Variants in ARNT2 observed in about 807,000 individuals in gnomAD.
The protein encoded by ARNT2 is aryl hydrocarbon receptor nuclear translocator 2.
A neutral mutation model predicts 91.7 loss-of-function variants in ARNT2; 36 were observed. The ratio of observed to expected loss-of-function variants is 0.39; its 90% confidence interval spans 0.30 to 0.52. The LOEUF is 0.52. ARNT2 is among the 20% of genes least tolerant of loss of function. The pLI is 0.72. For missense variants in ARNT2, 775 were observed against 939.3 expected, an observed-to-expected ratio of 0.83 and a Z score of 2.29; for synonymous variants, 365 against 347.1, an observed-to-expected ratio of 1.05 and a Z score of -0.57.
chr15:80,417,728 C>T (rs1895807366), intron 1 of ARNT2, among the ~76,000 whole-genome samples: 1 of 152,026 alleles, frequency 6.6e-6, no homozygotes, highest in Admixed American at 6.6e-5. Context: ...TTGGTCTACC[C>T]AGTAGTTAAC....
intron 6 of ARNT2, among the ~76,000 whole-genome samples, chr15:80,513,412 G>C (rs973709805): frequency 2.0e-5 from 3 of 152,226 alleles, no homozygotes; most frequent in Non-Finnish European, 2.9e-5. Flanking sequence ...CCTAGTGCTA[G>C]AACAGTGTAT....
intron 3 of ARNT2, among the ~76,000 whole-genome samples, chr15:80,467,688 G>T (rs948317983): frequency 6.6e-6 from 1 of 152,208 alleles, no homozygotes; most frequent in East Asian, 1.9e-4. Flanking sequence ...CTCAGCCAAC[G>T]GTCTCTGTGT....
At chr15:80,575,239 TA>T in intron 14 of ARNT2, 129 bp downstream of exon 14, 1 of 1,255,454 alleles carries the variant, frequency 8.0e-7, no homozygotes. Flanking sequence ...TTGCAGGGTA[TA>T]AAAATACACG....
Position 80,470,334 on chromosome 15 carries a change from C to T in ARNT2, c.311C>T (p.Thr104Ile). The part of the protein sequence containing the change: ...SALARKPDKL[T>I]ILRMAVSHMK... The stretch of plus-strand genomic sequence containing the variant: ...CTGGCTCGGAAGCCAGACAAGCTCA[C>T]CATCCTCCGCATGGCCGTCTCGCAC... The change falls in exon 4 of 19, where the codon ACC becomes ATC. Residue 104 changes from threonine (T) to isoleucine (I), a missense_variant. Thr to Ile is a moderately conservative substitution (Grantham distance 89). Around this residue, in one of 5 missense-constraint regions of ARNT2, gnomAD observed 83 missense variants for 149.4 expected, o/e 0.56. Coordinates refer to ENST00000303329, the MANE Select transcript of ARNT2 (RefSeq NM_014862.4). 6.2e-7 allele frequency: 1 copy of T among 1,614,208 alleles called. No homozygotes were observed. Among genetic ancestry groups the T allele is most frequent in the Non-Finnish European group, 8.5e-7 (1 of 1,180,040 alleles).
At chr15:80,536,555 T>C (rs147175117) in intron 8 of ARNT2, among the ~76,000 whole-genome samples, 13 of 152,316 alleles carry the variant, frequency 8.5e-5, no homozygotes, top group South Asian at 4.1e-4. Flanking sequence ...GCTTCCAGCT[T>C]CCTTGTCTAT....
chr15:80,580,363 T>C (rs758099426), intron 15 of ARNT2, 48 bp from the exon 16 acceptor site: 2 of 1,610,302 alleles, frequency 1.2e-6, no homozygotes, highest in African/African-American at 2.7e-5. Context: ...CGTAGACTCA[T>C]GCAAACCAGG....
At chr15:80,437,962 G>C (rs985600464) in intron 1 of ARNT2, among the ~76,000 whole-genome samples, 10 of 70,520 alleles carry the variant, frequency 1.4e-4, no homozygotes, top group South Asian at 1.2e-3. Flanking sequence ...CACACACACA[G>C]AGTCTCTTTC....
chr15:80,430,570 A>G (rs957547505), intron 1 of ARNT2, among the ~76,000 whole-genome samples: 1 of 152,176 alleles, frequency 6.6e-6, no homozygotes, highest in East Asian at 1.9e-4. Context: ...TCCAGTCTCA[A>G]CGGGAGCTGC....
intron 6 of ARNT2, among the ~76,000 whole-genome samples, chr15:80,513,153 T>TA (rs962337561): frequency 2.8e-4 from 43 of 152,092 alleles, no homozygotes; most frequent in African/African-American, 9.7e-4. Flanking sequence ...GAAATGCACA[T>TA]AAAAAATGGA....
intron 1 of ARNT2, among the ~76,000 whole-genome samples, chr15:80,412,734 T>C (rs540124615): frequency 6.6e-6 from 1 of 152,360 alleles, no homozygotes; most frequent in Non-Finnish European, 1.5e-5. Context: ...GTATTGAACA[T>C]CCCCGTATAT....
In ARNT2 at chr15:80,406,093, G is replaced by C. The variant is rs183278388; in HGVS notation, c.31+1547G>C. Among the ~76,000 whole-genome samples the C allele has an allele frequency of 1.3e-3, 191 of 152,284 alleles. 1 individual carries two copies. Among genetic ancestry groups the C allele is most frequent in the African/African-American group, 4.4e-3 (182 of 41,562 alleles). On this transcript the variant is annotated intron_variant, in intron 1 of 18. Transcript: ENST00000303329. ...AGAATTGGTGGCCATGGCTGGACCA[G>C]AGAGGAAGGAATGCACCACTGGGCG...
At chr15:80,584,904 C>T (rs1898866413) in intron 17 of ARNT2, among the ~76,000 whole-genome samples, 1 of 152,266 alleles carries the variant, frequency 6.6e-6, no homozygotes, top group Admixed American at 6.5e-5. Flanking sequence ...TGCCGGACGT[C>T]ACCCAGTGGT....
chr15:80,449,973 A>G (rs960151994), intron 1 of ARNT2, among the ~76,000 whole-genome samples: 2 of 152,192 alleles, frequency 1.3e-5, no homozygotes, highest in Non-Finnish European at 2.9e-5. Flanking sequence ...GTTCCCAACC[A>G]CGGTAAACAG....
chr15:80,571,355 G>C (rs999863239), intron 12 of ARNT2, among the ~76,000 whole-genome samples: 2 of 152,188 alleles, frequency 1.3e-5, no homozygotes, highest in African/African-American at 4.8e-5. Context: ...AGGAGAGTTG[G>C]TAAATAGCAA....
intron 1 of ARNT2, chr15:80,436,102 CCCCTTCATCTTGGATTGA>C (rs1389680914): frequency 6.6e-6 from 1 of 152,134 alleles, no homozygotes; most frequent in African/African-American, 2.4e-5. Flanking sequence ...CAGGGATGGG[CCCCTTCATCTTGGATTGA>C]TGCTTCATCA....
chr15:80,582,328 C>CA (rs537139420), intron 17 of ARNT2, among the ~76,000 whole-genome samples: 3,891 of 66,728 alleles, frequency 0.058, 90 homozygotes, highest in African/African-American at 0.1. Flanking sequence ...CCTGTCTCTA[C>CA]AAAAAAAAAA....
At chr15:80,408,653 G>T (rs2141551152) in intron 1 of ARNT2, among the ~76,000 whole-genome samples, 1 of 152,228 alleles carries the variant, frequency 6.6e-6, no homozygotes, top group South Asian at 2.1e-4. Flanking sequence ...AGTAGGGCTG[G>T]AACAGCCAAA....
chr15:80,420,041 C>T (rs1400762241), intron 1 of ARNT2, among the ~76,000 whole-genome samples: 1 of 152,132 alleles, frequency 6.6e-6, no homozygotes. Context: ...CCTATGCAAC[C>T]AGCCATCCAC....
intron 6 of ARNT2, among the ~76,000 whole-genome samples, chr15:80,510,922 T>G (rs1897332065): frequency 6.6e-6 from 1 of 152,136 alleles, no homozygotes; most frequent in African/African-American, 2.4e-5. Context: ...TTACACAGTA[T>G]TGGTGGGAAT....
Sources: allele counts gnomAD v4.1 joint callset (sites outside exome capture counted in the v4.1 genomes callset), GRCh38; gene constraint gnomAD v4.1.1; regional missense constraint gnomAD v4.1.1; transcripts MANE v1.5; gene names NCBI Gene and HGNC (gene_info 2026-07-23, HGNC 2026-07-21).